The following RAB31 variants were observed in gnomAD, a reference collection of about 807,000 sequenced individuals.
RAB31 encodes the protein ras-related protein Rab-31.
Under a neutral mutation model 25.6 loss-of-function variants are expected in RAB31, and 21 were observed. The observed-to-expected ratio is 0.82, with a 90% CI of 0.58 to 1.18. RAB31 has a LOEUF of 1.18. Ranked by LOEUF, RAB31 falls within the 50% of genes most tolerant of loss-of-function variation. The pLI is 0.00. For missense variants in RAB31, 196 were observed against 250.1 expected, an observed-to-expected ratio of 0.78 and a Z score of 1.46; for synonymous variants, 87 against 84.0, an observed-to-expected ratio of 1.04 and a Z score of -0.20.
intron 1 of RAB31, among the ~76,000 whole-genome samples, chr18:9,713,572 A>G (rs906846196): frequency 6.6e-6 from 1 of 152,142 alleles, no homozygotes; most frequent in Non-Finnish European, 1.5e-5. Context: ...CAGGGTCAGC[A>G]TTGCTGCTTT....
chr18:9,795,885 A>G (rs1280036633), intron 3 of RAB31, among the ~76,000 whole-genome samples: 1 of 152,212 alleles, frequency 6.6e-6, no homozygotes, highest in Non-Finnish European at 1.5e-5. Context: ...ACTCCTGCGT[A>G]TCAACCCAGA....
At chr18:9,852,572 A>G (rs1168517522) in intron 6 of RAB31, among the ~76,000 whole-genome samples, 3 of 150,666 alleles carry the variant, frequency 2.0e-5, no homozygotes, top group African/African-American at 7.3e-5. Flanking sequence ...GTTTAAGACA[A>G]TATGGATTTT....
chr18:9,793,385 G>A lies in RAB31; in HGVS notation c.201+1150G>A, dbSNP rs148468808. On this transcript the variant is annotated intron_variant, in intron 3 of 6. Coordinates refer to ENST00000578921, the MANE Select transcript of RAB31 (RefSeq NM_006868.4). ...CAGTCATAATATAAAAGTTGAGGCC[G>A]GACGCGGTGGCTCACGCCTGTAATC... Among the ~76,000 whole-genome samples, 492 of 152,284 alleles carry A rather than the reference G, an allele frequency of 3.2e-3. 2 individuals carry two copies. Among genetic ancestry groups the A allele is most frequent in the African/African-American group, 0.011 (454 of 41,554 alleles).
At chr18:9,747,589 A>G (rs893981172) in intron 1 of RAB31, among the ~76,000 whole-genome samples, 1 of 152,202 alleles carries the variant, frequency 6.6e-6, no homozygotes, top group Admixed American at 6.5e-5. Flanking sequence ...CATTATACTA[A>G]ATGAGAGAAA....
intron 6 of RAB31, among the ~76,000 whole-genome samples, chr18:9,853,963 CTTTT>C (rs11376519): frequency 7.6e-6 from 1 of 130,848 alleles, no homozygotes; most frequent in Non-Finnish European, 1.6e-5. Flanking sequence ...CTTTTCTTTT[CTTTT>C]TTTTTTTTTT....
chr18:9,724,494 T>A (rs1352356358), intron 1 of RAB31, among the ~76,000 whole-genome samples: 1 of 152,174 alleles, frequency 6.6e-6, no homozygotes, highest in Non-Finnish European at 1.5e-5. Flanking sequence ...ACACTCTACT[T>A]GTGCCTTCTT....
chr18:9,726,350 G>A (rs965689366), intron 1 of RAB31, among the ~76,000 whole-genome samples: 2 of 152,344 alleles, frequency 1.3e-5, no homozygotes, highest in African/African-American at 4.8e-5. Flanking sequence ...AAGCACTGCT[G>A]TCAGGGTGGC....
At chr18:9,771,608 G>T (rs879707602) in intron 1 of RAB31, among the ~76,000 whole-genome samples, 5 of 152,176 alleles carry the variant, frequency 3.3e-5, no homozygotes, top group African/African-American at 1.2e-4. Context: ...TTCCCAGCGC[G>T]GAGTGACTCC....
intron 5 of RAB31, among the ~76,000 whole-genome samples, chr18:9,830,856 A>C (rs1235597650): frequency 6.6e-6 from 1 of 152,202 alleles, no homozygotes; most frequent in Non-Finnish European, 1.5e-5. Context: ...ATCTGTCTTC[A>C]AATCACTTGA....
chr18:9,757,526 G>C (rs2068266095), intron 1 of RAB31, among the ~76,000 whole-genome samples: 1 of 152,070 alleles, frequency 6.6e-6, no homozygotes, highest in South Asian at 2.1e-4. Context: ...TCCTTTTTTG[G>C]TCAACTCTAG....
intron 1 of RAB31, among the ~76,000 whole-genome samples, chr18:9,719,763 A>G (rs2068065065): frequency 6.6e-6 from 1 of 152,010 alleles, no homozygotes; most frequent in Non-Finnish European, 1.5e-5. Flanking sequence ...TCCACTTCAC[A>G]CGATGAGTCA....
chr18:9,836,572 C>T (rs2068705426), intron 5 of RAB31, among the ~76,000 whole-genome samples: 1 of 152,220 alleles, frequency 6.6e-6, no homozygotes, highest in Non-Finnish European at 1.5e-5. Flanking sequence ...AATCATTCTC[C>T]ATCTTTAGCA....
intron 1 of RAB31, among the ~76,000 whole-genome samples, chr18:9,773,249 A>C (rs150462057): frequency 0.011 from 1,690 of 152,282 alleles, 14 homozygotes; most frequent in Non-Finnish European, 0.018. Context: ...AATAATTCAG[A>C]TTGCCAACTG....
intron 5 of RAB31, among the ~76,000 whole-genome samples, chr18:9,841,248 A>T (rs951319694): frequency 6.7e-6 from 1 of 150,120 alleles, no homozygotes; most frequent in Admixed American, 6.6e-5. Flanking sequence ...TAGTTTAAAG[A>T]TCTCAATTGG....
intron 2 of RAB31, among the ~76,000 whole-genome samples, chr18:9,788,601 T>C (rs991871192): frequency 3.3e-5 from 5 of 152,228 alleles, no homozygotes; most frequent in African/African-American, 1.2e-4. Context: ...ATACCTGCAC[T>C]CACAGATTTA....
At chr18:9,827,023 A>G (rs2068653354) in intron 5 of RAB31, among the ~76,000 whole-genome samples, 1 of 152,060 alleles carries the variant, frequency 6.6e-6, no homozygotes, top group African/African-American at 2.4e-5. Flanking sequence ...TACATTCCGC[A>G]TAGCAGGTTC....
At chr18:9,775,028 T>C in intron 1 of RAB31, 1 of 609,142 alleles carries the variant, frequency 1.6e-6, no homozygotes. Flanking sequence ...TGGTTAAATA[T>C]TGTATACATG....
chr18:9,776,371 A>G (rs2068372333), intron 2 of RAB31, among the ~76,000 whole-genome samples: 1 of 152,190 alleles, frequency 6.6e-6, no homozygotes, highest in African/African-American at 2.4e-5. Context: ...AACCTGTAGG[A>G]TTGTTGAGAA....
In RAB31 at chr18:9,708,631, C is replaced by T. The variant is rs2067998963; in HGVS notation, c.39+187C>T. ...CCCCTGGCTCCCCTAGTCCGTGCGCCCCTCGCTCTCCGCGCCCCTCGCTCT... is the reference window on the plus strand; with the variant it reads ...CCCCTGGCTCCCCTAGTCCGTGCGCTCCTCGCTCTCCGCGCCCCTCGCTCT... On this transcript the variant is annotated intron_variant, in intron 1 of 6. Transcript: ENST00000578921. The surrounding 1 kb of genome is among the most constrained non-coding windows in gnomAD (Gnocchi z 6.4). Among the ~76,000 whole-genome samples the T allele has an allele frequency of 6.6e-6, 1 of 151,784 alleles. No individual in the cohort carries two copies. Among genetic ancestry groups the T allele is most frequent in the African/African-American group, 2.4e-5 (1 of 41,328 alleles).
Sources: allele counts gnomAD v4.1 joint callset (sites outside exome capture counted in the v4.1 genomes callset), GRCh38; gene constraint gnomAD v4.1.1; non-coding constraint Gnocchi (gnomAD v3.1); transcripts MANE v1.5; gene names NCBI Gene and HGNC (gene_info 2026-07-23, HGNC 2026-07-21).